The following SPOCK1 variants were observed in gnomAD, a reference collection of about 807,000 sequenced individuals.
SPOCK1 encodes testican-1.
SPOCK1 carries 23 observed loss-of-function variants against 55.3 expected under a neutral mutation model. That is an observed-to-expected ratio of 0.42 (90% CI 0.30 to 0.59). The LOEUF (loss-of-function observed/expected upper bound fraction) is 0.59, where lower values mean the gene tolerates loss of function less well. Ranked by LOEUF, SPOCK1 falls within the 20% of genes least tolerant of loss-of-function variation. The probability of loss-of-function intolerance (pLI) is 0.22; values close to 1 mark genes in which losing one functional copy is unlikely to be tolerated. For synonymous variants in SPOCK1, 226 were observed against 221.0 expected, an observed-to-expected ratio of 1.02 and a Z score of -0.20; for missense variants, 499 against 552.5, an observed-to-expected ratio of 0.90 and a Z score of 0.97.
chr5:137,048,949 A>C (rs926994146), intron 6 of SPOCK1, among the ~76,000 whole-genome samples: 1 of 123,398 alleles, frequency 8.1e-6, no homozygotes, highest in African/African-American at 3.0e-5. Context: ...TCTTTTCTTT[A>C]AGAATGTTGA....
chr5:137,356,749 C>T (rs1345070715), intron 2 of SPOCK1, among the ~76,000 whole-genome samples: 5 of 140,544 alleles, frequency 3.6e-5, no homozygotes, highest in African/African-American at 1.3e-4. Context: ...TGAGATCATG[C>T]CACTGCACTC....
chr5:137,361,633 C>T (rs1359232381), intron 2 of SPOCK1, among the ~76,000 whole-genome samples: 1 of 152,070 alleles, frequency 6.6e-6, no homozygotes, highest in Non-Finnish European at 1.5e-5. Context: ...AGGAAATATG[C>T]TAAAAAATGC....
intron 4 of SPOCK1, among the ~76,000 whole-genome samples, chr5:137,129,581 C>T (rs961958065): frequency 1.3e-5 from 2 of 152,086 alleles, no homozygotes; most frequent in African/African-American, 2.4e-5. Flanking sequence ...AAAAAGGGTC[C>T]TCATGTACTC....
intron 4 of SPOCK1, among the ~76,000 whole-genome samples, chr5:137,139,105 A>G (rs912431246): frequency 2.6e-5 from 4 of 152,248 alleles, no homozygotes; most frequent in Non-Finnish European, 5.9e-5. Context: ...TATTCCAGGG[A>G]TGCAATCTAG....
chr5:137,472,819 A>C (rs1210558609), intron 2 of SPOCK1, among the ~76,000 whole-genome samples: 1 of 152,252 alleles, frequency 6.6e-6, no homozygotes, highest in Non-Finnish European at 1.5e-5. Flanking sequence ...AAAATGGGCA[A>C]AATTCATAAA....
At position 137,368,845 on chromosome 5, in the gene SPOCK1, G is replaced by T. The variant is rs1751134449; in HGVS notation, c.187-101790C>A. Among the ~76,000 whole-genome samples the T allele has an allele frequency of 2.6e-5, 4 of 152,282 alleles. No homozygotes were observed. The South Asian group carries it at 6.2e-4, about 24-fold the overall frequency. On this transcript the variant is annotated intron_variant, in intron 2 of 10. Transcript: ENST00000394945. The stretch of plus-strand genomic sequence containing the variant: ...TGTGGTCCGCTCCCTTATTAATCTT[G>T]CTGTATCTTATTAAAATGGCCTCAT...
At chr5:137,302,747 C>G (rs367644946) in intron 2 of SPOCK1, among the ~76,000 whole-genome samples, 1 of 152,030 alleles carries the variant, frequency 6.6e-6, no homozygotes. Context: ...CCTTCTAAAA[C>G]GTCCTTGAAC....
At chr5:136,991,426 C>G (rs1750945655) in intron 7 of SPOCK1, among the ~76,000 whole-genome samples, 1 of 151,928 alleles carries the variant, frequency 6.6e-6, no homozygotes, top group South Asian at 2.1e-4. Context: ...CTATGAGCAG[C>G]CAAAAATAAC....
At chr5:137,442,332 G>C (rs888869966) in intron 2 of SPOCK1, among the ~76,000 whole-genome samples, 2 of 152,142 alleles carry the variant, frequency 1.3e-5, no homozygotes, top group African/African-American at 4.8e-5. Flanking sequence ...TAAAACACCA[G>C]CCCAGAGAAG....
chr5:137,260,494 T>C (rs945213794), intron 3 of SPOCK1, among the ~76,000 whole-genome samples: 4 of 152,180 alleles, frequency 2.6e-5, no homozygotes, highest in African/African-American at 9.7e-5. Context: ...TGTATACATA[T>C]ACATGACATA....
At chr5:137,197,134 A>T (rs1490038253) in intron 3 of SPOCK1, among the ~76,000 whole-genome samples, 3 of 151,920 alleles carry the variant, frequency 2.0e-5, no homozygotes, top group African/African-American at 2.4e-5. Context: ...TTCTGCGAAG[A>T]CTCCAGAATT....
chr5:137,160,564 T>TAATATAA (rs1491209752), intron 3 of SPOCK1, among the ~76,000 whole-genome samples: 1 of 67,342 alleles, frequency 1.5e-5, no homozygotes, highest in African/African-American at 6.2e-5. Context: ...ATATTATATA[T>TAATATAA]TATATATTAT....
At chr5:137,238,036 C>A (rs1756212323) in intron 3 of SPOCK1, among the ~76,000 whole-genome samples, 1 of 152,176 alleles carries the variant, frequency 6.6e-6, no homozygotes, top group Non-Finnish European at 1.5e-5. Flanking sequence ...TGATTCCTCC[C>A]TTTACAGCTG....
intron 3 of SPOCK1, among the ~76,000 whole-genome samples, chr5:137,259,992 T>A (rs753714275): frequency 5.9e-5 from 9 of 152,246 alleles, no homozygotes; most frequent in Non-Finnish European, 1.0e-4. Context: ...GCATCATGCT[T>A]CAAATTTTTC....
At chr5:137,030,441 G>A (rs1751758070) in intron 6 of SPOCK1, among the ~76,000 whole-genome samples, 1 of 152,162 alleles carries the variant, frequency 6.6e-6, no homozygotes, top group African/African-American at 2.4e-5. Context: ...GGACGCAAAT[G>A]GCAATTTACA....
chr5:137,287,475 G>A (rs1396899202), intron 2 of SPOCK1, among the ~76,000 whole-genome samples: 1 of 152,094 alleles, frequency 6.6e-6, no homozygotes. Flanking sequence ...CTACCCAACT[G>A]GAAAAAATAT....
At chr5:137,342,182 C>A (rs1416580033) in intron 2 of SPOCK1, among the ~76,000 whole-genome samples, 1 of 152,210 alleles carries the variant, frequency 6.6e-6, no homozygotes, top group African/African-American at 2.4e-5. Flanking sequence ...CTGAGTTAGA[C>A]CTACTGTGGA....
At chr5:137,318,768 T>C (rs1032663565) in intron 2 of SPOCK1, among the ~76,000 whole-genome samples, 3 of 152,204 alleles carry the variant, frequency 2.0e-5, no homozygotes, top group East Asian at 1.9e-4. Flanking sequence ...CCAGAGCATA[T>C]ATGAGACAGC....
intron 4 of SPOCK1, among the ~76,000 whole-genome samples, chr5:137,132,773 T>G (rs1259153904): frequency 6.6e-6 from 1 of 152,152 alleles, no homozygotes; most frequent in Non-Finnish European, 1.5e-5. Flanking sequence ...AACTGCCCCC[T>G]CTGGAAGCGC....
Sources: gnomAD v4.1 joint callset for allele counts (sites outside exome capture counted in the v4.1 genomes callset) on GRCh38, gnomAD v4.1.1 for gene constraint, MANE v1.5 for transcripts, NCBI Gene and HGNC (gene_info 2026-07-23, HGNC 2026-07-21) for gene names.